The following INSC variants were observed in gnomAD, a reference collection of about 807,000 sequenced individuals.
INSC encodes protein inscuteable homolog.
A neutral mutation model predicts 58.6 loss-of-function variants in INSC; 67 were observed. That is an observed-to-expected ratio of 1.14 (90% CI 0.94 to 1.40). The LOEUF (loss-of-function observed/expected upper bound fraction) is 1.40. Ranked by LOEUF, INSC falls within the 40% of genes most tolerant of loss-of-function variation. The pLI is 0.00. For missense variants in INSC, 714 were observed against 692.0 expected, an observed-to-expected ratio of 1.03 and a Z score of -0.36; for synonymous variants, 262 against 276.1, an observed-to-expected ratio of 0.95 and a Z score of 0.51.
At chr11:15,158,001 A>G (rs564488363) in intron 2 of INSC, among the ~76,000 whole-genome samples, 79 of 152,280 alleles carry the variant, frequency 5.2e-4, no homozygotes, top group South Asian at 4.2e-3. Flanking sequence ...AGGAGAAACC[A>G]GGGGAGTCAA....
intron 1 of INSC, among the ~76,000 whole-genome samples, chr11:15,120,879 A>G (rs914506595): frequency 1.3e-5 from 2 of 152,152 alleles, no homozygotes; most frequent in Non-Finnish European, 2.9e-5. Context: ...AGACTTATAT[A>G]AGAAATCTCT....
intron 7 of INSC, among the ~76,000 whole-genome samples, chr11:15,216,022 C>T (rs558480611): frequency 4.4e-4 from 67 of 152,216 alleles, no homozygotes; most frequent in African/African-American, 1.5e-3. Flanking sequence ...GGAATGTAGA[C>T]GTGGATCTCA....
chr11:15,209,329 T>C (rs1314269992), intron 7 of INSC, among the ~76,000 whole-genome samples: 1 of 152,236 alleles, frequency 6.6e-6, no homozygotes, highest in Admixed American at 6.5e-5. Flanking sequence ...GTGAAGATGA[T>C]ACAAGTCAAT....
At chr11:15,218,832 T>C (rs1851325358) in intron 7 of INSC, among the ~76,000 whole-genome samples, 1 of 152,196 alleles carries the variant, frequency 6.6e-6, no homozygotes, top group Non-Finnish European at 1.5e-5. Flanking sequence ...TTCCTATAAT[T>C]GCCTTTGCTC....
intron 12 of INSC, 25 bp downstream of exon 12, chr11:15,240,548 T>C: frequency 6.2e-7 from 1 of 1,601,474 alleles, no homozygotes; most frequent in South Asian, 1.1e-5. Context: ...TTCCCCCAGC[T>C]TTTCCCCTGG....
chr11:15,171,936 A>G (rs576619860), intron 2 of INSC, among the ~76,000 whole-genome samples: 87 of 152,260 alleles, frequency 5.7e-4, no homozygotes, highest in Non-Finnish European at 7.6e-4. Context: ...TCAAGCACCA[A>G]TTGTTTCCAG....
At chr11:15,200,547 A>G (rs1276674937) in intron 6 of INSC, among the ~76,000 whole-genome samples, 1 of 152,028 alleles carries the variant, frequency 6.6e-6, no homozygotes, top group Non-Finnish European at 1.5e-5. Flanking sequence ...CCTAGCAAAT[A>G]TGCCTGCCTT....
At chr11:15,261,404 CT>C in the INSC span, among the ~76,000 whole-genome samples, 2 of 152,148 alleles carry the variant, frequency 1.3e-5, no homozygotes, top group Non-Finnish European at 2.9e-5. Flanking sequence ...TCTGTAATTG[CT>C]TAAATTCTAA....
chr11:15,218,501 A>G (rs921730799), intron 7 of INSC, among the ~76,000 whole-genome samples: 1 of 152,176 alleles, frequency 6.6e-6, no homozygotes, highest in Non-Finnish European at 1.5e-5. Flanking sequence ...TATTAGGCAT[A>G]TACATCTAAA....
chr11:15,184,075 T>C (rs764843608), intron 5 of INSC, among the ~76,000 whole-genome samples: 8 of 152,130 alleles, frequency 5.3e-5, no homozygotes, highest in Non-Finnish European at 8.8e-5. Flanking sequence ...TCTCAGTTCT[T>C]ATTTAATGAT....
chr11:15,214,871 A>G (rs904977113), intron 7 of INSC, among the ~76,000 whole-genome samples: 10 of 152,172 alleles, frequency 6.6e-5, no homozygotes, highest in Admixed American at 6.5e-5. Context: ...CAATCCTTTT[A>G]TGCAAGATCT....
At chr11:15,165,602 C>T (rs1461722730) in intron 2 of INSC, among the ~76,000 whole-genome samples, 2 of 152,128 alleles carry the variant, frequency 1.3e-5, no homozygotes, top group Non-Finnish European at 2.9e-5. Flanking sequence ...GGAGTCTTCA[C>T]CATGCCTAGA....
intron 11 of INSC, among the ~76,000 whole-genome samples, chr11:15,239,455 A>G (rs1259208633): frequency 6.6e-6 from 1 of 152,142 alleles, no homozygotes; most frequent in African/African-American, 2.4e-5. Context: ...TCATTTATTC[A>G]TTAACCCATT....
upstream of INSC, among the ~76,000 whole-genome samples, chr11:15,114,684 C>T (rs1040458285): frequency 6.6e-6 from 1 of 152,232 alleles, no homozygotes; most frequent in African/African-American, 2.4e-5. Flanking sequence ...TCCAGCGCTC[C>T]TGCAGATGGG....
At chr11:15,233,385 G>A (rs1049915515) in intron 9 of INSC, among the ~76,000 whole-genome samples, 3 of 152,148 alleles carry the variant, frequency 2.0e-5, no homozygotes, top group African/African-American at 7.2e-5. Context: ...CCCACCCATG[G>A]ACTTGACTGT....
chr11:15,265,085 G>A, the INSC span, among the ~76,000 whole-genome samples: 114,009 of 152,026 alleles, frequency 0.75, 42,941 homozygotes, highest in Middle Eastern at 0.84. Context: ...AAAGGTAAAA[G>A]TGTTGTGCAT....
chr11:15,146,819 T>C (rs760526364), intron 1 of INSC, among the ~76,000 whole-genome samples: 6 of 152,248 alleles, frequency 3.9e-5, no homozygotes, highest in Non-Finnish European at 8.8e-5. Context: ...GAACAATTTC[T>C]TGCATTCAGG....
At chr11:15,202,429 G>A (rs1850628395) in intron 7 of INSC, among the ~76,000 whole-genome samples, 1 of 152,198 alleles carries the variant, frequency 6.6e-6, no homozygotes. Context: ...GATTGTGTGA[G>A]CACAGACATG....
chr11:15,200,312 A>AT (rs1041682445), intron 6 of INSC, among the ~76,000 whole-genome samples: 17 of 151,944 alleles, frequency 1.1e-4, no homozygotes, highest in African/African-American at 2.2e-4. Flanking sequence ...TAAATGAAAC[A>AT]TTTTTTTTGC....
Sources: allele counts gnomAD v4.1 joint callset (sites outside exome capture counted in the v4.1 genomes callset), GRCh38; gene constraint gnomAD v4.1.1; transcripts MANE v1.5; gene names NCBI Gene and HGNC (gene_info 2026-07-23, HGNC 2026-07-21).